DCUN1D1: variants seen among roughly 807,000 people sequenced by gnomAD.
DCUN1D1 encodes defective in cullin neddylation 1 domain containing 1.
DCUN1D1 carries 3 observed loss-of-function variants against 39.0 expected under a neutral mutation model. The observed-to-expected ratio is 0.08, with a 90% CI of 0.04 to 0.20. The LOEUF is 0.20. DCUN1D1 is among the 10% of genes least tolerant of loss of function. DCUN1D1 has a pLI of 1.00. For synonymous variants in DCUN1D1, 82 were observed against 96.3 expected, an observed-to-expected ratio of 0.85 and a Z score of 0.87; for missense variants, 158 against 302.4, an observed-to-expected ratio of 0.52 and a Z score of 3.54.
chr3:182,971,840 A>G (rs1263008697), intron 1 of DCUN1D1, among the ~76,000 whole-genome samples: 1 of 152,116 alleles, frequency 6.6e-6, no homozygotes. Flanking sequence ...TTTACTACAT[A>G]CTGTCTTCAA....
chr3:182,959,102 G>GA (rs1727243525), intron 4 of DCUN1D1, among the ~76,000 whole-genome samples: 1 of 152,038 alleles, frequency 6.6e-6, no homozygotes, highest in South Asian at 2.1e-4. Context: ...GAGAAAAACA[G>GA]AAAAAACATC....
At chr3:182,954,914 C>T (rs1726951877) in intron 4 of DCUN1D1, among the ~76,000 whole-genome samples, 3 of 152,140 alleles carry the variant, frequency 2.0e-5, no homozygotes, top group Non-Finnish European at 2.9e-5. Context: ...ACATCATACA[C>T]AATTTATATT....
At chr3:182,980,385 G>C (rs1728479732) in intron 1 of DCUN1D1, 102 bp downstream of exon 1, 4 of 883,244 alleles carry the variant, frequency 4.5e-6, no homozygotes, top group Non-Finnish European at 5.5e-6. Context: ...GCCGAGGCTC[G>C]GGGCTGCAGG....
At chr3:182,980,118 C>T in intron 1 of DCUN1D1, 7 of 947,186 alleles carry the variant, frequency 7.4e-6, no homozygotes, top group Non-Finnish European at 8.8e-6. Flanking sequence ...ACAATGGAGC[C>T]GGCAGAGGGG....
chr3:182,967,347 T>C (rs1352298478), intron 1 of DCUN1D1, among the ~76,000 whole-genome samples: 2 of 152,046 alleles, frequency 1.3e-5, no homozygotes, highest in African/African-American at 4.8e-5. Flanking sequence ...AGAGGTCTCA[T>C]GAATCTGAGT....
intron 3 of DCUN1D1, among the ~76,000 whole-genome samples, chr3:182,962,388 A>ATGTT (rs1487611819): frequency 1.3e-5 from 2 of 152,234 alleles, no homozygotes; most frequent in East Asian, 3.8e-4. Context: ...CCAAGAGCCA[A>ATGTT]TGAAAGGCTG....
Position 182,942,380 on chromosome 3 carries a change from C to A in DCUN1D1, c.*2714G>T, listed in dbSNP as rs1178184701. ...AAAAGATTTAGTCATGGCAATTTCACTGCAGCTTTTATTGCCTCTGTTGGT... is the reference window on the plus strand; with the variant it reads ...AAAAGATTTAGTCATGGCAATTTCAATGCAGCTTTTATTGCCTCTGTTGGT... On this transcript the variant is annotated 3_prime_UTR_variant, in exon 7 of 7. Transcript: ENST00000292782. 1 of 152,090 alleles carries A rather than the reference C, an allele frequency of 6.6e-6. No individual in the cohort carries two copies. The highest frequency in any genetic ancestry group is 1.5e-5 in the Non-Finnish European group (1 of 68,000). 9.4% of individuals were successfully genotyped at this position (152,090 alleles called of 1,614,324 possible). A position where few individuals can be genotyped will look rare whatever the true frequency, so the allele number is the denominator to read the frequency against.
chr3:182,983,859 T>G (rs1728642727), upstream of DCUN1D1, among the ~76,000 whole-genome samples: 1 of 152,220 alleles, frequency 6.6e-6, no homozygotes. Context: ...CCATCTTCTC[T>G]ATGATTGTCT....
rs1198344692 is a variant in DCUN1D1, at chr3:182,939,320, G to A, written c.*5774C>T. 6.6e-6 allele frequency: 1 copy of A among 152,094 alleles called. No individual in the cohort carries two copies. Among genetic ancestry groups the A allele is most frequent in the East Asian group, 1.9e-4 (1 of 5,190 alleles). 9.4% of individuals were successfully genotyped at this position (152,094 alleles called of 1,614,324 possible). On this transcript the variant is annotated 3_prime_UTR_variant, in exon 7 of 7. Transcript: ENST00000292782. ...TTCAGCAGTTTTTTTAAAAACGTTA[G>A]GTATAAATTTACCACACAACCTGAC... is the stretch of plus-strand genomic sequence containing the variant.
At position 182,963,267 on chromosome 3, in the gene DCUN1D1, T is replaced by C. The variant is rs537401011; in HGVS notation, c.389+614A>G. 1.3e-4 allele frequency among the ~76,000 whole-genome samples: 20 copies of C among 152,328 alleles called. No homozygotes were observed. The South Asian group carries it at 4.1e-3, about 32-fold the overall frequency. ...GAGGTAGGAGAAGTACTTAGCACAGTTAACTGAAATAAAATAATGTTCAAT... is the reference window on the plus strand; with the variant it reads ...GAGGTAGGAGAAGTACTTAGCACAGCTAACTGAAATAAAATAATGTTCAAT... On this transcript the variant is annotated intron_variant, in intron 3 of 6. Coordinates refer to ENST00000292782, the MANE Select transcript of DCUN1D1 (RefSeq NM_020640.4).
chr3:182,966,145 G>T (rs1161155829), intron 1 of DCUN1D1, among the ~76,000 whole-genome samples: 2 of 152,050 alleles, frequency 1.3e-5, no homozygotes, highest in Non-Finnish European at 2.9e-5. Context: ...CAGACGCAGG[G>T]AAGAAGATGA....
In DCUN1D1 at chr3:182,941,200, C is replaced by T. The variant is rs1418711569; in HGVS notation, c.*3894G>A. Reference sequence around the variant, plus strand: ...AACAGCACTATTTGCCTCCAGAAATCGGGTACAAATAAAGCAAATATTTAA... The same window carrying T: ...AACAGCACTATTTGCCTCCAGAAATTGGGTACAAATAAAGCAAATATTTAA... On this transcript the variant is annotated 3_prime_UTR_variant, in exon 7 of 7. Coordinates refer to ENST00000292782, the MANE Select transcript of DCUN1D1 (RefSeq NM_020640.4). The T allele has an allele frequency of 1.3e-5, 2 of 151,980 alleles. No individual in the cohort carries two copies. The highest frequency in any genetic ancestry group is 2.9e-5 in the Non-Finnish European group (2 of 67,960). The allele number at this position is 151,980 out of a possible 1,614,324, so 9.4% of individuals were successfully genotyped here.
At chr3:182,964,550 C>G (rs1242482525) in intron 2 of DCUN1D1, among the ~76,000 whole-genome samples, 1 of 151,062 alleles carries the variant, frequency 6.6e-6, no homozygotes, top group Non-Finnish European at 1.5e-5. Flanking sequence ...CTATACTTAT[C>G]AGAGAGGCAA....
At chr3:182,962,345 T>G (rs1727440828) in intron 3 of DCUN1D1, among the ~76,000 whole-genome samples, 1 of 152,186 alleles carries the variant, frequency 6.6e-6, no homozygotes, top group Non-Finnish European at 1.5e-5. Context: ...GAGACTTCAT[T>G]TTTCTTGCCA....
upstream of DCUN1D1, chr3:182,980,621 C>G (rs1320155736): frequency 4.8e-6 from 5 of 1,040,950 alleles, no homozygotes; most frequent in Admixed American, 5.2e-5. Context: ...CGGCGCGGCC[C>G]GAGGAGGCAG....
chr3:182,948,253 A>G (rs1726517266), intron 4 of DCUN1D1, among the ~76,000 whole-genome samples: 3 of 152,240 alleles, frequency 2.0e-5, no homozygotes, highest in Non-Finnish European at 4.4e-5. Context: ...TCCTGACCAC[A>G]AAGAGATCAT....
At chr3:182,948,064 G>A (rs931345229) in intron 4 of DCUN1D1, among the ~76,000 whole-genome samples, 18 of 152,146 alleles carry the variant, frequency 1.2e-4, no homozygotes, top group African/African-American at 3.9e-4. Flanking sequence ...TCCACTAGAT[G>A]CCAGTAGCAG....
At position 182,949,490 on chromosome 3, in the gene DCUN1D1, C is replaced by T. The variant is rs141113763; in HGVS notation, c.521-1858G>A. ...ATCCCATCACTCTGGGAAGCTGAGG[C>T]GAGAAGACTGCTTGAGATCAGGAGT... On this transcript the variant is annotated intron_variant, in intron 4 of 6. Transcript: ENST00000292782. Among the ~76,000 whole-genome samples, 403 of 152,158 alleles carry T rather than the reference C, an allele frequency of 2.6e-3. 3 individuals carry two copies. Among genetic ancestry groups the T allele is most frequent in the African/African-American group, 9.2e-3 (381 of 41,516 alleles).
intron 3 of DCUN1D1, among the ~76,000 whole-genome samples, chr3:182,963,423 C>A (rs908219092): frequency 6.6e-6 from 1 of 152,162 alleles, no homozygotes; most frequent in Non-Finnish European, 1.5e-5. Context: ...ACAGGTAAAA[C>A]CTCTACCCAT....
Sources: allele counts gnomAD v4.1 joint callset (sites outside exome capture counted in the v4.1 genomes callset), GRCh38; gene constraint gnomAD v4.1.1; transcripts MANE v1.5; gene names NCBI Gene and HGNC (gene_info 2026-07-23, HGNC 2026-07-21).